The following CCDC85A variants were observed in gnomAD, a reference collection of about 807,000 sequenced individuals.
CCDC85A encodes the protein coiled-coil domain-containing protein 85A.
In CCDC85A, 38 loss-of-function variants were observed where a neutral mutation model predicts 50.2. The ratio of observed to expected loss-of-function variants is 0.76; its 90% CI spans 0.58 to 0.99. CCDC85A has a LOEUF of 0.99. CCDC85A is among the 50% of genes least tolerant of loss of function. CCDC85A has a pLI of 0.00. For missense variants in CCDC85A, 820 were observed against 742.0 expected (o/e 1.11, Z -1.22); for synonymous variants, 366 against 301.4 (o/e 1.21, Z -2.22).
At chr2:56,268,413 C>A (rs1237362460) in intron 2 of CCDC85A, among the ~76,000 whole-genome samples, 1 of 151,906 alleles carries the variant, frequency 6.6e-6, no homozygotes, top group Non-Finnish European at 1.5e-5. Context: ...GCTAACACGG[C>A]TGAAACCCTG....
chr2:56,199,641 T>C (rs1676654384), intron 2 of CCDC85A, among the ~76,000 whole-genome samples: 1 of 152,192 alleles, frequency 6.6e-6, no homozygotes, highest in Non-Finnish European at 1.5e-5. Context: ...CTGCACTCCT[T>C]GCTGACCTCA....
At chr2:56,316,449 C>A in intron 2 of CCDC85A, among the ~76,000 whole-genome samples, 1 of 152,052 alleles carries the variant, frequency 6.6e-6, no homozygotes, top group East Asian at 1.9e-4. Flanking sequence ...AAGATCAGCC[C>A]AGTGACTTAC....
Position 56,184,275 on chromosome 2 carries a change from G to A in CCDC85A, c.-350G>A. 1 of 850,810 alleles carries A rather than the reference G, an allele frequency of 1.2e-6. No homozygotes were observed. The allele number at this position is 850,810 out of a possible 1,614,324, so 52.7% of individuals were successfully genotyped here. ...CAGTCTCGGCTTAGGGCGGAGGAGA[G>A]GGCAGGGGAACGGCGGTGCAGCTCC... On this transcript the variant is annotated 5_prime_UTR_variant, in exon 1 of 6. Transcript: ENST00000407595.
intron 2 of CCDC85A, among the ~76,000 whole-genome samples, chr2:56,340,541 A>T (rs920265748): frequency 6.6e-6 from 1 of 152,166 alleles, no homozygotes; most frequent in Admixed American, 6.5e-5. Flanking sequence ...CAGAAGAAGA[A>T]GCCGAGGCAA....
chr2:56,241,701 T>C (rs1669266014), intron 2 of CCDC85A, among the ~76,000 whole-genome samples: 1 of 152,234 alleles, frequency 6.6e-6, no homozygotes, highest in Non-Finnish European at 1.5e-5. Context: ...CCATGGTATA[T>C]ACCACATTTT....
chr2:56,278,559 CTA>C (rs1381390286), intron 2 of CCDC85A, among the ~76,000 whole-genome samples: 1 of 151,940 alleles, frequency 6.6e-6, no homozygotes, highest in Non-Finnish European at 1.5e-5. Flanking sequence ...GTAGCCTGGT[CTA>C]TTTTTATTTT....
intron 2 of CCDC85A, among the ~76,000 whole-genome samples, chr2:56,232,674 A>C (rs929249483): frequency 2.6e-5 from 4 of 152,120 alleles, no homozygotes; most frequent in Non-Finnish European, 5.9e-5. Context: ...CTCTTTTTAT[A>C]AATTACCCAG....
rs1391190106 is a variant in CCDC85A, at chr2:56,192,675, G to T, written c.475G>T (p.Val159Leu). 1 of 1,613,800 alleles carries T rather than the reference G, an allele frequency of 6.2e-7. No individual in the cohort carries two copies. The highest frequency in any genetic ancestry group is 8.5e-7 in the Non-Finnish European group (1 of 1,179,872). Reference sequence around the variant, plus strand: ...CCTGGAGGTGAAGCAGGAGGAAGTGGTGAAGGAGAACATGGAGCTCAAGGA... The same window carrying T: ...CCTGGAGGTGAAGCAGGAGGAAGTGTTGAAGGAGAACATGGAGCTCAAGGA... ...KDLEVKQEEV[V>L]KENMELKELC... Residue 159 changes from valine to leucine, a missense_variant, in exon 2 of 6, where the codon GTG (valine) becomes TTG (leucine). Physicochemically the swap from Val to Leu is conservative, Grantham distance 32. Transcript: ENST00000407595. The surrounding 1 kb of genome is among the most constrained non-coding windows in gnomAD (Gnocchi z 4.7).
chr2:56,185,533 C>T (rs753069686), intron 1 of CCDC85A, among the ~76,000 whole-genome samples: 2 of 152,230 alleles, frequency 1.3e-5, no homozygotes, highest in Non-Finnish European at 2.9e-5. Flanking sequence ...GCCTTACTCC[C>T]CTTCCCACTT....
intron 2 of CCDC85A, among the ~76,000 whole-genome samples, chr2:56,337,911 A>C (rs1189446377): frequency 6.6e-6 from 1 of 151,634 alleles, no homozygotes; most frequent in Non-Finnish European, 1.5e-5. Flanking sequence ...CAGCCTCCCG[A>C]GTAGCTGGGA....
At chr2:56,209,062 T>C (rs1436732082) in intron 2 of CCDC85A, among the ~76,000 whole-genome samples, 2 of 152,042 alleles carry the variant, frequency 1.3e-5, no homozygotes, top group Non-Finnish European at 2.9e-5. Flanking sequence ...AATCTGGCCA[T>C]TGTGAGCCAC....
At position 56,192,931 on chromosome 2, in the gene CCDC85A, G is replaced by A; in HGVS notation, c.731G>A (p.Gly244Asp). The A allele has an allele frequency of 1.9e-6, 3 of 1,613,424 alleles. No individual in the cohort carries two copies. The highest frequency in any genetic ancestry group is 2.5e-6 in the Non-Finnish European group (3 of 1,179,724). Residue 244 changes from glycine to aspartate, a missense_variant, in exon 2 of 6, where the codon GGC becomes GAC. Gly to Asp is a moderately conservative substitution (Grantham distance 94, BLOSUM62 -1). Transcript: ENST00000407595. This position sits in a 1 kb window ranked among gnomAD's most constrained non-coding sequence, Gnocchi z 4.7. ...PEHLQKPRSE[G>D]SPEHSKHRSA... is the part of the protein sequence containing the mutation. ...CACCTGCAGAAGCCCCGGAGCGAGG[G>A]CAGCCCGGAGCACTCCAAGCACAGG...
intron 2 of CCDC85A, among the ~76,000 whole-genome samples, chr2:56,223,003 A>G (rs1359463110): frequency 6.6e-6 from 1 of 152,156 alleles, no homozygotes; most frequent in African/African-American, 2.4e-5. Flanking sequence ...ATTCCAAATA[A>G]CTACCTACCT....
At chr2:56,191,182 A>T (rs1676280958) in intron 1 of CCDC85A, among the ~76,000 whole-genome samples, 1 of 152,146 alleles carries the variant, frequency 6.6e-6, no homozygotes, top group South Asian at 2.1e-4. Context: ...CCTTCTCTGT[A>T]GCGGTATCTT....
At chr2:56,304,034 A>G (rs982444050) in intron 2 of CCDC85A, among the ~76,000 whole-genome samples, 1 of 152,226 alleles carries the variant, frequency 6.6e-6, no homozygotes, top group African/African-American at 2.4e-5. Context: ...TCTATGTCCT[A>G]GTGATTTTCA....
At chr2:56,213,764 G>T (rs1177974795) in intron 2 of CCDC85A, among the ~76,000 whole-genome samples, 1 of 151,944 alleles carries the variant, frequency 6.6e-6, no homozygotes, top group Non-Finnish European at 1.5e-5. Flanking sequence ...TGCTGTTTAA[G>T]TGATTTTCTT....
At chr2:56,267,629 G>A (rs1485604271) in intron 2 of CCDC85A, among the ~76,000 whole-genome samples, 1 of 152,176 alleles carries the variant, frequency 6.6e-6, no homozygotes, top group African/African-American at 2.4e-5. Context: ...AAGGTTTACT[G>A]AGTACACATG....
At chr2:56,202,625 A>G (rs953761791) in intron 2 of CCDC85A, among the ~76,000 whole-genome samples, 1 of 152,266 alleles carries the variant, frequency 6.6e-6, no homozygotes, top group Non-Finnish European at 1.5e-5. Flanking sequence ...TAACTCAGCT[A>G]ACTGCAAACA....
chr2:56,269,983 A>G (rs1175809978), intron 2 of CCDC85A, among the ~76,000 whole-genome samples: 1 of 152,162 alleles, frequency 6.6e-6, no homozygotes, highest in Non-Finnish European at 1.5e-5. Context: ...ATGCTTTCTC[A>G]CAGTAGTGGC....
Sources: gnomAD v4.1 joint callset for allele counts (sites outside exome capture counted in the v4.1 genomes callset) on GRCh38, gnomAD v4.1.1 for gene constraint, Gnocchi (gnomAD v3.1) non-coding constraint, MANE v1.5 for transcripts, NCBI Gene and HGNC (gene_info 2026-07-23, HGNC 2026-07-21) for gene names.